Variants in PIK3R1 observed in about 807,000 individuals in gnomAD.
PIK3R1 encodes phosphoinositide-3-kinase regulatory subunit 1, also known as phosphatidylinositol 3-kinase regulatory subunit alpha.
Under a neutral mutation model 98.0 loss-of-function variants are expected in PIK3R1, and 29 were observed. The ratio of observed to expected loss-of-function variants is 0.30; its 90% confidence interval spans 0.22 to 0.40. The LOEUF (loss-of-function observed/expected upper bound fraction) is 0.40. Ranked by LOEUF, PIK3R1 falls within the 10% of genes least tolerant of loss-of-function variation. PIK3R1 has a pLI of 1.00. For missense variants in PIK3R1, 596 were observed against 872.7 expected, an observed-to-expected ratio of 0.68 and a Z score of 3.99; for synonymous variants, 282 against 311.8, an observed-to-expected ratio of 0.90 and a Z score of 1.01.
At chr5:68,270,174 A>C (rs1290527697) in intron 2 of PIK3R1, among the ~76,000 whole-genome samples, 1 of 152,206 alleles carries the variant, frequency 6.6e-6, no homozygotes, top group Non-Finnish European at 1.5e-5. Context: ...CCAACACCTG[A>C]ATGAGTAATG....
chr5:68,278,638 G>A (rs769856482), intron 4 of PIK3R1, among the ~76,000 whole-genome samples: 4 of 152,138 alleles, frequency 2.6e-5, no homozygotes, highest in Non-Finnish European at 4.4e-5. Context: ...CACAGACTGC[G>A]TGGCTTAAAA....
intron 2 of PIK3R1, among the ~76,000 whole-genome samples, chr5:68,263,577 C>G (rs1745997740): frequency 6.6e-6 from 1 of 152,006 alleles, no homozygotes; most frequent in African/African-American, 2.4e-5. Context: ...TCACCTTTGT[C>G]TGAAGTAGTG....
At chr5:68,276,947 A>G (rs991490766) in intron 4 of PIK3R1, among the ~76,000 whole-genome samples, 13 of 152,186 alleles carry the variant, frequency 8.5e-5, no homozygotes, top group African/African-American at 3.1e-4. Flanking sequence ...ACCTCGGTCT[A>G]GTAGGGAAAC....
chr5:68,280,517 T>C lies in PIK3R1; in HGVS notation c.635-11T>C. The C allele has an allele frequency of 4.0e-6, 6 of 1,506,686 alleles. No homozygotes were observed. Among genetic ancestry groups the C allele is most frequent in the Non-Finnish European group, 5.4e-6 (6 of 1,103,876 alleles). 93.3% of individuals were successfully genotyped at this position (1,506,686 alleles called of 1,614,324 possible). A position where few individuals can be genotyped will look rare whatever the true frequency, so the allele number is the denominator to read the frequency against. Reference sequence around the variant, plus strand: ...ACTCATTTCTCTTTTTTTTTTTTTTTAAACTTGTAGAAGTACAAAGCTCCG... The same window carrying C: ...ACTCATTTCTCTTTTTTTTTTTTTTCAAACTTGTAGAAGTACAAAGCTCCG... On this transcript the variant is annotated splice_polypyrimidine_tract_variant and intron_variant, in intron 5 of 15. Coordinates refer to ENST00000521381, the MANE Select transcript of PIK3R1 (RefSeq NM_181523.3).
At chr5:68,229,552 T>C (rs1744398582) in intron 2 of PIK3R1, among the ~76,000 whole-genome samples, 1 of 152,140 alleles carries the variant, frequency 6.6e-6, no homozygotes, top group Non-Finnish European at 1.5e-5. Flanking sequence ...AGGAACCACA[T>C]GCAGTTTTGT....
In PIK3R1 at chr5:68,301,254, A is replaced by G. The variant is rs995964432; in HGVS notation, c.*3653A>G. Reference sequence around the variant, plus strand: ...TAAAATACTGGTATTATGGGTGGGGAGGAAATAGAATTGAGTCAATTGGAA... The same window carrying G: ...TAAAATACTGGTATTATGGGTGGGGGGGAAATAGAATTGAGTCAATTGGAA... On this transcript the variant is annotated 3_prime_UTR_variant, in exon 16 of 16. Coordinates refer to ENST00000521381, the MANE Select transcript of PIK3R1 (RefSeq NM_181523.3). 1.0e-5 allele frequency: 2 copies of G among 199,560 alleles called. No individual in the cohort carries two copies. The highest frequency in any genetic ancestry group is 2.1e-5 in the Non-Finnish European group (2 of 97,508). The allele number at this position is 199,560 out of a possible 1,614,324, so 12.4% of individuals were successfully genotyped here. A position where few individuals can be genotyped will look rare whatever the true frequency, so the allele number is the denominator to read the frequency against.
In PIK3R1 at chr5:68,288,394, C is replaced by T. The variant is rs1326832702; in HGVS notation, c.917-3865C>T. 6.8e-6 allele frequency: 8 copies of T among 1,169,174 alleles called. No individual in the cohort carries two copies. The African/African-American group carries it at 1.1e-4, about 16-fold the overall frequency. 72.4% of individuals were successfully genotyped at this position (1,169,174 alleles called of 1,614,324 possible). ...TCTTTATCTAAGGGAGACGTGCGAG[C>T]GCCTGGGCTCCTTTCCTCCCCGATA... is the stretch of plus-strand genomic sequence containing the variant. On this transcript the variant is annotated intron_variant, in intron 7 of 15. Transcript: ENST00000521381.
intron 2 of PIK3R1, among the ~76,000 whole-genome samples, chr5:68,234,713 A>G (rs377654574): frequency 2.0e-5 from 3 of 152,198 alleles, no homozygotes; most frequent in Non-Finnish European, 2.9e-5. Context: ...TGTTTCATAT[A>G]TATTTGTTAA....
intron 2 of PIK3R1, among the ~76,000 whole-genome samples, chr5:68,245,093 C>T (rs970205078): frequency 2.6e-5 from 4 of 152,160 alleles, no homozygotes; most frequent in African/African-American, 9.7e-5. Context: ...AAATAGATTT[C>T]AACATTGGAA....
In PIK3R1 at chr5:68,299,664, A is replaced by G. The variant is rs1221707185; in HGVS notation, c.*2063A>G. On this transcript the variant is annotated 3_prime_UTR_variant, in exon 16 of 16. Coordinates refer to ENST00000521381, the MANE Select transcript of PIK3R1 (RefSeq NM_181523.3). ...CCATATTAGATTTACCCACAGCTAT[A>G]TTTCTGTTTAAGTACTAGGGTGAGG... is the stretch of plus-strand genomic sequence containing the variant. 4 of 233,012 alleles carry G rather than the reference A, an allele frequency of 1.7e-5. No homozygotes were observed. The highest frequency in any genetic ancestry group is 1.2e-4 in the East Asian group (2 of 16,566). The allele number at this position is 233,012 out of a possible 1,614,324, so 14.4% of individuals were successfully genotyped here.
intron 2 of PIK3R1, among the ~76,000 whole-genome samples, chr5:68,228,040 G>A (rs973853134): frequency 5.9e-5 from 9 of 152,120 alleles, no homozygotes; most frequent in Non-Finnish European, 1.2e-4. Flanking sequence ...TAAATCACAC[G>A]CATTTTTCTT....
In PIK3R1 at chr5:68,301,657, T is replaced by C. The variant is rs1748112380; in HGVS notation, c.*4056T>C. ...ACGAGAGGGAGGATGTCACGGTCAGTTGTAACTTTGCCTTCACAAGGCAAC... is the reference window on the plus strand; with the variant it reads ...ACGAGAGGGAGGATGTCACGGTCAGCTGTAACTTTGCCTTCACAAGGCAAC... On this transcript the variant is annotated 3_prime_UTR_variant, in exon 16 of 16. Coordinates refer to ENST00000521381, the MANE Select transcript of PIK3R1 (RefSeq NM_181523.3). 7.6e-6 allele frequency: 1 copy of C among 131,440 alleles called. No homozygotes were observed. Among genetic ancestry groups the C allele is most frequent in the Admixed American group, 8.9e-5 (1 of 11,216 alleles). 8.1% of individuals were successfully genotyped at this position (131,440 alleles called of 1,614,324 possible).
chr5:68,274,155 T>A lies in PIK3R1; in HGVS notation c.502+142T>A, dbSNP rs1746477216. Reference sequence around the variant, plus strand: ...AACTCAAATCATGTACAGTTCTCCCTGCCCTGTTATGGTAACAGTGCAAAC... The same window carrying A: ...AACTCAAATCATGTACAGTTCTCCCAGCCCTGTTATGGTAACAGTGCAAAC... On this transcript the variant is annotated intron_variant, in intron 4 of 15. Transcript: ENST00000521381. The A allele has an allele frequency of 2.7e-5, 19 of 716,344 alleles. No homozygotes were observed. In the South Asian group the frequency reaches 3.1e-4, roughly 12 times the overall value. 44.4% of individuals were successfully genotyped at this position (716,344 alleles called of 1,614,324 possible).
At chr5:68,242,605 C>A (rs754668910) in intron 2 of PIK3R1, among the ~76,000 whole-genome samples, 10 of 152,118 alleles carry the variant, frequency 6.6e-5, no homozygotes, top group Non-Finnish European at 1.3e-4. Context: ...TCATTCTACC[C>A]GTCTAAGGAG....
chr5:68,235,345 G>A (rs1744624540), intron 2 of PIK3R1, among the ~76,000 whole-genome samples: 1 of 152,054 alleles, frequency 6.6e-6, no homozygotes, highest in African/African-American at 2.4e-5. Context: ...AGAGGTTGCA[G>A]TGAGCCGAGA....
chr5:68,270,024 CAA>C (rs1746280659), intron 2 of PIK3R1, among the ~76,000 whole-genome samples: 1 of 152,044 alleles, frequency 6.6e-6, no homozygotes, highest in Admixed American at 6.6e-5. Context: ...CAATACATTA[CAA>C]AAAGAGTACT....
chr5:68,228,371 C>T (rs1744358624), intron 2 of PIK3R1, among the ~76,000 whole-genome samples: 1 of 152,118 alleles, frequency 6.6e-6, no homozygotes, highest in African/African-American at 2.4e-5. Flanking sequence ...TGAAGGGAAG[C>T]CCTTTTCTTT....
chr5:68,236,319 G>C (rs1196583579), intron 2 of PIK3R1, among the ~76,000 whole-genome samples: 1 of 149,496 alleles, frequency 6.7e-6, no homozygotes, highest in African/African-American at 2.5e-5. Context: ...GCACGATCTC[G>C]GCTCACTGCA....
Position 68,299,362 on chromosome 5 carries a change from AGTCATG to A in PIK3R1, c.*1767_*1772del, listed in dbSNP as rs772496364. 9 of 231,448 alleles carry A rather than the reference AGTCATG, an allele frequency of 3.9e-5. No homozygotes were observed. Among genetic ancestry groups the A allele is most frequent in the Non-Finnish European group, 6.8e-5 (8 of 117,120 alleles). 14.3% of individuals were successfully genotyped at this position (231,448 alleles called of 1,614,324 possible). ...CTCTGGACTGTGTGGAGCTCGCTAA[AGTCATG>A]GTCATTGCAGGAATCCAAGTGGCAG... On this transcript the variant is annotated 3_prime_UTR_variant, in exon 16 of 16. Transcript: ENST00000521381.
Sources: allele counts gnomAD v4.1 joint callset (sites outside exome capture counted in the v4.1 genomes callset), GRCh38; gene constraint gnomAD v4.1.1; transcripts MANE v1.5; gene names NCBI Gene and HGNC (gene_info 2026-07-23, HGNC 2026-07-21).